WDR27: variants seen among roughly 807,000 people sequenced by gnomAD.
The protein encoded by WDR27 is WD repeat-containing protein 27.
In WDR27, 100 loss-of-function variants were observed where a neutral mutation model predicts 114.4. That is an observed-to-expected ratio of 0.87 (90% CI 0.74 to 1.03). WDR27 has a LOEUF of 1.03. Among genes scored for constraint, WDR27 ranks in the 50% least tolerant of loss-of-function variants. WDR27 has a pLI of 0.00. For synonymous variants in WDR27, 449 were observed against 423.1 expected, an observed-to-expected ratio of 1.06 and a Z score of -0.75; for missense variants, 1,129 against 1,092.9, an observed-to-expected ratio of 1.03 and a Z score of -0.47.
At chr6:169,550,962 T>C (rs1798020152) in intron 25 of WDR27, among the ~76,000 whole-genome samples, 1 of 152,138 alleles carries the variant, frequency 6.6e-6, no homozygotes, top group Non-Finnish European at 1.5e-5. Context: ...GCAATCTGCC[T>C]ACCTCGGCCT....
At chr6:169,573,653 CA>C (rs1584311768) in intron 24 of WDR27, among the ~76,000 whole-genome samples, 1 of 152,180 alleles carries the variant, frequency 6.6e-6, no homozygotes, top group Admixed American at 6.5e-5. Flanking sequence ...AATATAAAAT[CA>C]ATTTGATAAT....
intron 25 of WDR27, among the ~76,000 whole-genome samples, chr6:169,503,079 G>A (rs1296816631): frequency 3.9e-5 from 6 of 152,170 alleles, no homozygotes; most frequent in Admixed American, 2.6e-4. Context: ...TGGGAGGTTT[G>A]TCTCTGGCTG....
At chr6:169,499,377 G>A (rs926207103) in intron 25 of WDR27, among the ~76,000 whole-genome samples, 1 of 152,210 alleles carries the variant, frequency 6.6e-6, no homozygotes. Flanking sequence ...CATCTGGATG[G>A]CAGCTTCAGC....
chr6:169,537,401 A>G (rs1796310525), intron 25 of WDR27, among the ~76,000 whole-genome samples: 1 of 152,216 alleles, frequency 6.6e-6, no homozygotes, highest in South Asian at 2.1e-4. Context: ...TGAAGGTATG[A>G]TTTAGGACCT....
At chr6:169,472,750 G>A (rs1786600296) in intron 25 of WDR27, among the ~76,000 whole-genome samples, 1 of 152,050 alleles carries the variant, frequency 6.6e-6, no homozygotes, top group Non-Finnish European at 1.5e-5. Flanking sequence ...TATTCTGGAG[G>A]GAGAAATTAA....
At chr6:169,648,319 T>C (rs1012748891) in intron 15 of WDR27, among the ~76,000 whole-genome samples, 1 of 152,108 alleles carries the variant, frequency 6.6e-6, no homozygotes, top group Non-Finnish European at 1.5e-5. Context: ...TGGGTGGCAT[T>C]TGGGGCCTCG....
At chr6:169,656,720 CGCATTA>C (rs1562835599) in intron 13 of WDR27, among the ~76,000 whole-genome samples, 1 of 152,192 alleles carries the variant, frequency 6.6e-6, no homozygotes, top group African/African-American at 2.4e-5. Flanking sequence ...CTCCCAGCTC[CGCATTA>C]GGCCGCAGCA....
intron 9 of WDR27, among the ~76,000 whole-genome samples, chr6:169,662,004 C>T (rs1261072040): frequency 6.6e-6 from 1 of 152,188 alleles, no homozygotes; most frequent in African/African-American, 2.4e-5. Context: ...TAGGCCATTC[C>T]AATCACCATT....
chr6:169,677,468 G>T (rs1340220666), intron 2 of WDR27, among the ~76,000 whole-genome samples: 1 of 152,216 alleles, frequency 6.6e-6, no homozygotes, highest in Non-Finnish European at 1.5e-5. Flanking sequence ...TGGGAGCAAA[G>T]AAATGCCATA....
intron 23 of WDR27, among the ~76,000 whole-genome samples, chr6:169,590,034 T>C (rs1014961399): frequency 6.6e-6 from 1 of 150,996 alleles, no homozygotes; most frequent in African/African-American, 2.4e-5. Flanking sequence ...AACGCTTGAC[T>C]GCTCAAAAAT....
intron 1 of WDR27, among the ~76,000 whole-genome samples, chr6:169,696,306 G>A (rs1785942855): frequency 6.6e-6 from 1 of 152,160 alleles, no homozygotes; most frequent in African/African-American, 2.4e-5. Flanking sequence ...AGGAGATCTT[G>A]GGAAGAATGG....
intron 25 of WDR27, among the ~76,000 whole-genome samples, chr6:169,482,158 A>G (rs1003292568): frequency 6.6e-6 from 1 of 152,186 alleles, no homozygotes; most frequent in Non-Finnish European, 1.5e-5. Context: ...ATAGTATTCT[A>G]TGGTGTATAT....
intron 2 of WDR27, among the ~76,000 whole-genome samples, chr6:169,674,731 T>C (rs1468606783): frequency 1.3e-5 from 2 of 152,156 alleles, no homozygotes; most frequent in South Asian, 2.1e-4. Flanking sequence ...AGTTTGGATG[T>C]CCCCTCTTTC....
intron 1 of WDR27, among the ~76,000 whole-genome samples, chr6:169,697,714 G>A (rs541249566): frequency 5.3e-4 from 80 of 152,324 alleles, no homozygotes; most frequent in Middle Eastern, 3.4e-3. Flanking sequence ...TGCCTTGGCT[G>A]CCAGGCAGGG....
At chr6:169,616,049 G>A (rs1164195288) in intron 21 of WDR27, among the ~76,000 whole-genome samples, 1 of 150,008 alleles carries the variant, frequency 6.7e-6, no homozygotes, top group Non-Finnish European at 1.5e-5. Flanking sequence ...AAAAAAAACA[G>A]ATATAAGGTA....
At chr6:169,614,530 T>C (rs894386293) in intron 21 of WDR27, among the ~76,000 whole-genome samples, 1 of 151,590 alleles carries the variant, frequency 6.6e-6, no homozygotes, top group African/African-American at 2.4e-5. Flanking sequence ...TCTATAAAAA[T>C]ACAAAAAATT....
intron 25 of WDR27, among the ~76,000 whole-genome samples, chr6:169,539,920 T>A (rs1796637105): frequency 6.6e-6 from 1 of 152,138 alleles, no homozygotes; most frequent in Non-Finnish European, 1.5e-5. Context: ...GAAAAATGAG[T>A]CCATCAGCAA....
chr6:169,517,079 T>C (rs1318240907), intron 25 of WDR27, among the ~76,000 whole-genome samples: 1 of 151,992 alleles, frequency 6.6e-6, no homozygotes, highest in African/African-American at 2.4e-5. Context: ...TGGGAGGTGT[T>C]TGGGTCATGG....
chr6:169,667,311 A>C (rs1828130181), intron 5 of WDR27, 124 bp from the exon 6 acceptor site: 14 of 1,248,516 alleles, frequency 1.1e-5, no homozygotes, highest in Non-Finnish European at 1.3e-5. Flanking sequence ...AACAGAAAAC[A>C]ATAAAATGAG....
Sources: allele counts gnomAD v4.1 joint callset (sites outside exome capture counted in the v4.1 genomes callset), GRCh38; gene constraint gnomAD v4.1.1; transcripts MANE v1.5; gene names NCBI Gene and HGNC (gene_info 2026-07-23, HGNC 2026-07-21).